Variants in ZCWPW2 observed in about 807,000 individuals in gnomAD.
The protein encoded by ZCWPW2 is zinc finger CW-type and PWWP domain containing 2.
In ZCWPW2, 45 loss-of-function variants were observed where a neutral mutation model predicts 46.6. That is an observed-to-expected ratio of 0.96 (90% CI 0.76 to 1.24). ZCWPW2 has a LOEUF of 1.24. Ranked by LOEUF, ZCWPW2 falls within the 50% of genes most tolerant of loss-of-function variation. The pLI, the probability that ZCWPW2 is intolerant of heterozygous loss-of-function variation, is 0.00. For synonymous variants in ZCWPW2, 152 were observed against 137.1 expected, an observed-to-expected ratio of 1.11 and a Z score of -0.76; for missense variants, 429 against 403.9, an observed-to-expected ratio of 1.06 and a Z score of -0.53.
intron 3 of ZCWPW2, among the ~76,000 whole-genome samples, chr3:28,420,493 T>A (rs1696724825): frequency 6.6e-6 from 1 of 152,100 alleles, no homozygotes; most frequent in African/African-American, 2.4e-5. Context: ...TGTCTTTTAT[T>A]CCCTTCTACA....
chr3:28,475,554 A>G (rs550828558), intron 4 of ZCWPW2, among the ~76,000 whole-genome samples: 1 of 152,348 alleles, frequency 6.6e-6, no homozygotes, highest in East Asian at 1.9e-4. Flanking sequence ...TCAAAGTAGT[A>G]GCCAAAGACC....
intron 4 of ZCWPW2, among the ~76,000 whole-genome samples, chr3:28,439,929 C>CT (rs1292464474): frequency 6.6e-6 from 1 of 152,200 alleles, no homozygotes; most frequent in Non-Finnish European, 1.5e-5. Flanking sequence ...CTACCTTCTT[C>CT]TACTACCCAT....
chr3:28,410,571 C>T (rs1441615833), intron 2 of ZCWPW2, among the ~76,000 whole-genome samples: 3 of 150,882 alleles, frequency 2.0e-5, no homozygotes, highest in African/African-American at 7.3e-5. Flanking sequence ...CTTAAATACC[C>T]CTACCTTCTG....
rs2044087686 is a variant in ZCWPW2 at position 28,525,131 on chromosome 3, T to A, written c.*443T>A. The A allele has an allele frequency of 6.6e-6, 1 of 152,152 alleles. No homozygotes were observed. The highest frequency in any genetic ancestry group is 2.4e-5 in the African/African-American group (1 of 41,444). The allele number at this position is 152,152 out of a possible 1,614,324, so 9.4% of individuals were successfully genotyped here. On this transcript the variant is annotated 3_prime_UTR_variant, in exon 10 of 10. Coordinates refer to ENST00000383768, the MANE Select transcript of ZCWPW2 (RefSeq NM_001040432.4). ...CAAACTATTACAAAATAAAAGGAAA[T>A]AATTTTTTAAATAATTGTTTAATAG...
At chr3:28,361,621 C>T (rs538295792) in intron 1 of ZCWPW2, among the ~76,000 whole-genome samples, 81 of 151,800 alleles carry the variant, frequency 5.3e-4, no homozygotes, top group Non-Finnish European at 8.4e-4. Context: ...AAAATATTTG[C>T]AAACCATGCA....
intron 1 of ZCWPW2, among the ~76,000 whole-genome samples, chr3:28,371,806 C>T (rs745929825): frequency 2.0e-4 from 31 of 151,958 alleles, no homozygotes; most frequent in Non-Finnish European, 3.7e-4. Flanking sequence ...GGGTTGGTGG[C>T]GGATGTGGTC....
chr3:28,361,292 C>G (rs1396362924), intron 1 of ZCWPW2, among the ~76,000 whole-genome samples: 1 of 152,128 alleles, frequency 6.6e-6, no homozygotes, highest in Admixed American at 6.5e-5. Context: ...TAGTCTCTTT[C>G]AACAAGTAGT....
chr3:28,453,130 C>T (rs1698289268), intron 4 of ZCWPW2, among the ~76,000 whole-genome samples: 1 of 152,170 alleles, frequency 6.6e-6, no homozygotes, highest in Admixed American at 6.5e-5. Context: ...GTGTCTCCAG[C>T]ATACTTTGGA....
At chr3:28,499,561 A>T (rs1417227339) in intron 6 of ZCWPW2, among the ~76,000 whole-genome samples, 1 of 152,070 alleles carries the variant, frequency 6.6e-6, no homozygotes, top group East Asian at 1.9e-4. Context: ...CCTTTGTCAG[A>T]TGGATGGATT....
At chr3:28,384,609 TC>T (rs1319276185) in intron 1 of ZCWPW2, among the ~76,000 whole-genome samples, 2 of 150,890 alleles carry the variant, frequency 1.3e-5, no homozygotes, top group Non-Finnish European at 3.0e-5. Context: ...GACCAATCTT[TC>T]TTTCTTTTTT....
chr3:28,349,099 G>C lies in ZCWPW2; in HGVS notation c.-238G>C, dbSNP rs1046952561. 1 of 985,612 alleles carries C rather than the reference G, an allele frequency of 1.0e-6. No individual in the cohort carries two copies. The highest frequency in any genetic ancestry group is 1.7e-5 in the African/African-American group (1 of 57,240). 61.1% of individuals were successfully genotyped at this position (985,612 alleles called of 1,614,324 possible). ...AAGCCAGGTTCGGTCGTGGGGGTGG[G>C]GAAGTGCAGGAGTGGCGCGCGGCGT... On this transcript the variant is annotated 5_prime_UTR_variant, in exon 1 of 10. Transcript: ENST00000383768.
At chr3:28,447,291 A>G (rs1194477760) in intron 4 of ZCWPW2, among the ~76,000 whole-genome samples, 2 of 152,178 alleles carry the variant, frequency 1.3e-5, no homozygotes, top group Non-Finnish European at 2.9e-5. Context: ...GCAGAATAGT[A>G]AAAGAATTAT....
chr3:28,378,510 A>G (rs538831528), intron 1 of ZCWPW2, among the ~76,000 whole-genome samples: 2 of 152,210 alleles, frequency 1.3e-5, no homozygotes, highest in South Asian at 2.1e-4. Context: ...CATTAAAACT[A>G]TCTACGAATT....
At chr3:28,364,257 G>T (rs1705041368) in intron 1 of ZCWPW2, among the ~76,000 whole-genome samples, 4 of 152,072 alleles carry the variant, frequency 2.6e-5, no homozygotes, top group African/African-American at 9.7e-5. Flanking sequence ...CCATTTATAG[G>T]CATATATCCA....
chr3:28,420,794 T>G (rs1696745851), intron 3 of ZCWPW2, among the ~76,000 whole-genome samples: 1 of 152,068 alleles, frequency 6.6e-6, no homozygotes, highest in South Asian at 2.1e-4. Flanking sequence ...TGAGTTCTTA[T>G]TTGTTCGGAA....
At chr3:28,384,331 GC>G (rs989243885) in intron 1 of ZCWPW2, among the ~76,000 whole-genome samples, 1 of 151,790 alleles carries the variant, frequency 6.6e-6, no homozygotes, top group Non-Finnish European at 1.5e-5. Context: ...TCAAACTTTT[GC>G]TTTTATACTA....
intron 2 of ZCWPW2, among the ~76,000 whole-genome samples, chr3:28,410,683 G>T (rs905938019): frequency 6.6e-6 from 1 of 151,930 alleles, no homozygotes. Flanking sequence ...AACCTTGAAT[G>T]CTTGTATTAG....
At chr3:28,489,186 A>G (rs1699712208) in intron 5 of ZCWPW2, among the ~76,000 whole-genome samples, 1 of 152,172 alleles carries the variant, frequency 6.6e-6, no homozygotes, top group South Asian at 2.1e-4. Context: ...CATTTTGGTT[A>G]ACTCTCTCTA....
chr3:28,522,673 G>A (rs1229416246), intron 9 of ZCWPW2, among the ~76,000 whole-genome samples: 1 of 152,042 alleles, frequency 6.6e-6, no homozygotes, highest in African/African-American at 2.4e-5. Flanking sequence ...CTACTTAGTT[G>A]AAAAACATAA....
Sources: gnomAD v4.1 joint callset for allele counts (sites outside exome capture counted in the v4.1 genomes callset) on GRCh38, gnomAD v4.1.1 for gene constraint, MANE v1.5 for transcripts, NCBI Gene and HGNC (gene_info 2026-07-23, HGNC 2026-07-21) for gene names.